The following ACYP2 variants were observed in gnomAD, a reference collection of about 807,000 sequenced individuals.
ACYP2 encodes acylphosphatase-2.
ACYP2 carries 12 observed loss-of-function variants against 11.2 expected under a neutral mutation model. The ratio of observed to expected loss-of-function variants is 1.08; its 90% CI spans 0.69 to 1.74. The LOEUF is 1.74. Among genes scored for constraint, ACYP2 ranks in the 40% most tolerant of loss-of-function variants. ACYP2 has a pLI of 0.00. For missense variants in ACYP2, 134 were observed against 101.9 expected, an observed-to-expected ratio of 1.31 and a Z score of -1.35; for synonymous variants, 43 against 32.2, an observed-to-expected ratio of 1.33 and a Z score of -1.13.
At chr2:54,276,680 G>T (rs1688606983) in intron 6 of ACYP2, among the ~76,000 whole-genome samples, 2 of 146,286 alleles carry the variant, frequency 1.4e-5, no homozygotes, top group South Asian at 2.2e-4. Flanking sequence ...AAGAAAAATT[G>T]TTTTTTTCCT....
chr2:53,990,947 C>T (rs1416829935), intron 2 of ACYP2, among the ~76,000 whole-genome samples: 1 of 152,068 alleles, frequency 6.6e-6, no homozygotes, highest in Non-Finnish European at 1.5e-5. Flanking sequence ...CAGGTGCCCG[C>T]CACCACGCCC....
chr2:54,091,687 T>G (rs1310098958), intron 4 of ACYP2, among the ~76,000 whole-genome samples: 2 of 151,918 alleles, frequency 1.3e-5, no homozygotes, highest in Admixed American at 1.3e-4. Flanking sequence ...AATTTGTGTG[T>G]TTTTGGTAGA....
intron 1 of ACYP2, among the ~76,000 whole-genome samples, chr2:53,973,342 C>T (rs1671266785): frequency 6.6e-6 from 1 of 152,178 alleles, no homozygotes; most frequent in South Asian, 2.1e-4. Flanking sequence ...AGATGAGTGT[C>T]AGGCCTCTGA....
intron 2 of ACYP2, among the ~76,000 whole-genome samples, chr2:54,019,374 TATTTTA>T (rs900230703): frequency 3.3e-5 from 5 of 151,916 alleles, no homozygotes; most frequent in Admixed American, 2.0e-4. Flanking sequence ...GCTTGGCCTT[TATTTTA>T]ATTTTATTTT....
intron 6 of ACYP2, among the ~76,000 whole-genome samples, chr2:54,241,340 G>A (rs1026481319): frequency 6.6e-6 from 1 of 152,168 alleles, no homozygotes; most frequent in East Asian, 1.9e-4. Context: ...AAAAATTCCA[G>A]CTGGTTTAAG....
At chr2:54,300,810 C>G (rs1039487412) in intron 6 of ACYP2, among the ~76,000 whole-genome samples, 1 of 152,228 alleles carries the variant, frequency 6.6e-6, no homozygotes, top group Non-Finnish European at 1.5e-5. Context: ...TTTGCACTCC[C>G]ATTACCAATG....
At chr2:54,138,077 T>A (rs779854192) in intron 5 of ACYP2, among the ~76,000 whole-genome samples, 5 of 134,776 alleles carry the variant, frequency 3.7e-5, no homozygotes, top group Non-Finnish European at 8.0e-5. Flanking sequence ...CACACATATG[T>A]CTACTTTTGA....
intron 6 of ACYP2, among the ~76,000 whole-genome samples, chr2:54,265,033 A>G (rs1318320674): frequency 6.6e-6 from 1 of 152,212 alleles, no homozygotes; most frequent in Non-Finnish European, 1.5e-5. Flanking sequence ...GCAAACTTTA[A>G]CTAGGTGGAA....
intron 6 of ACYP2, among the ~76,000 whole-genome samples, chr2:54,237,040 T>C (rs1242189020): frequency 6.6e-6 from 1 of 152,206 alleles, no homozygotes; most frequent in African/African-American, 2.4e-5. Flanking sequence ...CCCTAAACAA[T>C]ACAGTATGAC....
intron 6 of ACYP2, among the ~76,000 whole-genome samples, chr2:54,246,561 T>G (rs1008059295): frequency 2.6e-5 from 4 of 152,320 alleles, no homozygotes; most frequent in Non-Finnish European, 5.9e-5. Context: ...TCTATTGATA[T>G]AATAATTCTC....
intron 6 of ACYP2, among the ~76,000 whole-genome samples, chr2:54,203,413 G>C (rs1684937774): frequency 6.7e-6 from 1 of 148,484 alleles, no homozygotes. Flanking sequence ...TATGCAAATA[G>C]AGATAGTTTT....
At chr2:54,023,207 T>G (rs1020234547) in intron 2 of ACYP2, among the ~76,000 whole-genome samples, 1 of 152,252 alleles carries the variant, frequency 6.6e-6, no homozygotes, top group African/African-American at 2.4e-5. Context: ...CATTTCATTT[T>G]ACATTTTATG....
chr2:54,087,124 G>T (rs190692584), intron 4 of ACYP2, among the ~76,000 whole-genome samples: 1 of 152,228 alleles, frequency 6.6e-6, no homozygotes, highest in African/African-American at 2.4e-5. Flanking sequence ...GAATAGGCCA[G>T]TTAGAGTTTA....
At chr2:54,237,087 A>G (rs960828932) in intron 6 of ACYP2, among the ~76,000 whole-genome samples, 1 of 152,196 alleles carries the variant, frequency 6.6e-6, no homozygotes, top group Admixed American at 6.5e-5. Flanking sequence ...ATTAGGTATT[A>G]TAAGTAATCT....
chr2:54,018,356 G>A (rs1673810418), intron 2 of ACYP2, among the ~76,000 whole-genome samples: 1 of 152,078 alleles, frequency 6.6e-6, no homozygotes, highest in African/African-American at 2.4e-5. Context: ...CTGGTATAGT[G>A]GGAAAGAAAA....
intron 4 of ACYP2, among the ~76,000 whole-genome samples, chr2:54,057,989 A>G (rs528562869): frequency 9.2e-5 from 14 of 152,364 alleles, no homozygotes; most frequent in African/African-American, 3.4e-4. Context: ...GCTTTGGGAT[A>G]TTCACTTATC....
Position 54,126,613 on chromosome 2 carries a change from A to G in ACYP2, c.278-8840A>G, listed in dbSNP as rs146198582. Among the ~76,000 whole-genome samples the G allele has an allele frequency of 6.1e-3, 933 of 151,734 alleles. 11 individuals carry two copies. Among genetic ancestry groups the G allele is most frequent in the African/African-American group, 0.022 (891 of 41,406 alleles). On this transcript the variant is annotated intron_variant, in intron 4 of 6. Transcript: ENST00000607452. ...TCAAATTTGCAAAAAAAAAAAAAAA[A>G]AAAGCATAAAACAAATTAGAACTCT...
intron 6 of ACYP2, among the ~76,000 whole-genome samples, chr2:54,189,348 C>A (rs953344595): frequency 3.3e-5 from 5 of 152,176 alleles, no homozygotes; most frequent in South Asian, 2.1e-4. Context: ...TCCACCTAAC[C>A]ACTGCCTTAT....
At chr2:54,276,716 T>C (rs1235459477) in intron 6 of ACYP2, among the ~76,000 whole-genome samples, 1 of 151,748 alleles carries the variant, frequency 6.6e-6, no homozygotes, top group Non-Finnish European at 1.5e-5. Context: ...AACCCTTTCA[T>C]AATCTTTTGT....
Sources: gnomAD v4.1 joint callset for allele counts (sites outside exome capture counted in the v4.1 genomes callset) on GRCh38, gnomAD v4.1.1 for gene constraint, MANE v1.5 for transcripts, NCBI Gene and HGNC (gene_info 2026-07-23, HGNC 2026-07-21) for gene names.